Variants in ZFHX3 observed in about 807,000 individuals in gnomAD.
ZFHX3 encodes zinc finger homeobox protein 3.
A neutral mutation model predicts 279.1 loss-of-function variants in ZFHX3; 42 were observed. The observed-to-expected ratio is 0.15, with a 90% CI of 0.12 to 0.19. ZFHX3 has a LOEUF of 0.19. Among genes scored for constraint, ZFHX3 ranks in the 10% least tolerant of loss-of-function variants. The pLI, the probability that ZFHX3 is intolerant of heterozygous loss-of-function variation, is 1.00. For synonymous variants in ZFHX3, 2,293 were observed against 1,957.8 expected, an observed-to-expected ratio of 1.17 and a Z score of -4.52; for missense variants, 4,981 against 4,754.0, an observed-to-expected ratio of 1.05 and a Z score of -1.40.
chr16:73,160,874 T>G (rs1039797251), intron 5 of ZFHX3, among the ~76,000 whole-genome samples: 2 of 151,240 alleles, frequency 1.3e-5, no homozygotes, highest in Non-Finnish European at 2.9e-5. Context: ...GTAAAAATGG[T>G]CACACATTTT....
chr16:73,048,229 G>A (rs557898703), upstream of ZFHX3: 4 of 152,196 alleles, frequency 2.6e-5, no homozygotes, highest in South Asian at 6.2e-4. Flanking sequence ...CAAAGCGGAA[G>A]GTTAATTTGA....
intron 1 of ZFHX3, chr16:73,809,382 C>T (rs561943883): frequency 2.0e-5 from 3 of 152,324 alleles, no homozygotes; most frequent in South Asian, 2.1e-4. Flanking sequence ...GCCCCTTCCT[C>T]GGTAGGGAAA....
chr16:72,941,363 G>A (rs1001224252), intron 3 of ZFHX3, among the ~76,000 whole-genome samples: 4 of 152,158 alleles, frequency 2.6e-5, no homozygotes, highest in Non-Finnish European at 4.4e-5. Context: ...GGAAGAAAAC[G>A]GGTTTCACAA....
At chr16:73,754,989 G>T (rs1260251656) in intron 1 of ZFHX3, among the ~76,000 whole-genome samples, 1 of 152,048 alleles carries the variant, frequency 6.6e-6, no homozygotes. Context: ...ATACAATTTT[G>T]TTTAATCTTC....
intron 2 of ZFHX3, among the ~76,000 whole-genome samples, chr16:73,564,988 C>T (rs1003290269): frequency 6.6e-6 from 1 of 151,930 alleles, no homozygotes; most frequent in African/African-American, 2.4e-5. Context: ...CACGGTGGCT[C>T]ATGCCTGTAA....
chr16:73,240,799 G>C (rs2144943485), intron 5 of ZFHX3, among the ~76,000 whole-genome samples: 1 of 152,190 alleles, frequency 6.6e-6, no homozygotes, highest in South Asian at 2.1e-4. Flanking sequence ...TGAATAATGA[G>C]GTAATACATA....
intron 2 of ZFHX3, among the ~76,000 whole-genome samples, chr16:73,463,724 A>G (rs1006183478): frequency 5.9e-5 from 9 of 152,158 alleles, no homozygotes; most frequent in Non-Finnish European, 1.2e-4. Context: ...CCCTCATATC[A>G]TGAAGCACCA....
intron 2 of ZFHX3, among the ~76,000 whole-genome samples, chr16:73,659,506 G>A (rs917831512): frequency 2.0e-5 from 3 of 152,048 alleles, no homozygotes; most frequent in Non-Finnish European, 4.4e-5. Context: ...GTTACCCTCA[G>A]AGATTCCCAG....
chr16:73,166,457 G>A (rs571973655), intron 5 of ZFHX3, among the ~76,000 whole-genome samples: 1 of 152,216 alleles, frequency 6.6e-6, no homozygotes, highest in East Asian at 1.9e-4. Flanking sequence ...TAACATTTCT[G>A]GATGCTTTAA....
At chr16:73,515,166 AC>A (rs1458986562) in intron 2 of ZFHX3, among the ~76,000 whole-genome samples, 2 of 152,146 alleles carry the variant, frequency 1.3e-5, no homozygotes, top group African/African-American at 4.8e-5. Flanking sequence ...ACTTTCATTG[AC>A]CTAAATTGTA....
intron 5 of ZFHX3, among the ~76,000 whole-genome samples, chr16:73,188,866 CT>C (rs67553147): frequency 0.48 from 66,371 of 138,604 alleles, 15,258 homozygotes; most frequent in Middle Eastern, 0.58. Context: ...ATTTCTTTTT[CT>C]TTTTTTTTTT....
At chr16:73,531,116 A>C (rs1016514134) in intron 2 of ZFHX3, among the ~76,000 whole-genome samples, 1 of 152,188 alleles carries the variant, frequency 6.6e-6, no homozygotes, top group Non-Finnish European at 1.5e-5. Flanking sequence ...TTAGAGATTC[A>C]AGATGTCTTG....
intron 2 of ZFHX3, among the ~76,000 whole-genome samples, chr16:73,674,837 T>G (rs553586052): frequency 6.6e-6 from 1 of 152,190 alleles, no homozygotes; most frequent in South Asian, 2.1e-4. Flanking sequence ...ACAGCCCCAG[T>G]TGACTTCTCA....
chr16:73,591,685 T>G (rs2051999343), intron 2 of ZFHX3, among the ~76,000 whole-genome samples: 1 of 87,914 alleles, frequency 1.1e-5, no homozygotes, highest in Non-Finnish European at 2.0e-5. Context: ...AGAGCGAGAC[T>G]CTGTCTCAAA....
At position 73,844,280 on chromosome 16, in the gene ZFHX3, A is replaced by T. The variant is rs530537263; in HGVS notation, c.-1608+47371T>A. Among the ~76,000 whole-genome samples, 16 of 152,326 alleles carry T rather than the reference A, an allele frequency of 1.1e-4. No homozygotes were observed. In the South Asian group the frequency reaches 2.7e-3, roughly 26 times the overall value. ...TCCAGGTCCCAGATATGATGAAGTT[A>T]TATGACTGGGGGGGTTGAACAGGAC... On this transcript the variant is annotated intron_variant, in intron 1 of 17. Transcript: ENST00000641206.
intron 5 of ZFHX3, among the ~76,000 whole-genome samples, chr16:73,224,901 G>A (rs973701626): frequency 2.0e-5 from 3 of 152,072 alleles, no homozygotes; most frequent in Non-Finnish European, 4.4e-5. Context: ...CTGATTTAGA[G>A]ATACCTCTTA....
chr16:73,353,892 T>G (rs2016291366), intron 3 of ZFHX3, among the ~76,000 whole-genome samples: 1 of 152,198 alleles, frequency 6.6e-6, no homozygotes, highest in Admixed American at 6.5e-5. Context: ...CAGGTAACAT[T>G]TATGGAGAGC....
At chr16:73,285,907 A>C (rs56091557) in intron 4 of ZFHX3, among the ~76,000 whole-genome samples, 12,254 of 152,286 alleles carry the variant, frequency 0.08, 618 homozygotes, top group South Asian at 0.23. Flanking sequence ...CTGGCTGACT[A>C]GTGTCAAGCC....
chr16:73,369,154 T>G (rs1211085970), intron 3 of ZFHX3, among the ~76,000 whole-genome samples: 1 of 152,218 alleles, frequency 6.6e-6, no homozygotes, highest in Admixed American at 6.5e-5. Context: ...AAAATGCCAT[T>G]CTATCACGCT....
Sources: gnomAD v4.1 joint callset for allele counts (sites outside exome capture counted in the v4.1 genomes callset) on GRCh38, gnomAD v4.1.1 for gene constraint, MANE v1.5 for transcripts, NCBI Gene and HGNC (gene_info 2026-07-23, HGNC 2026-07-21) for gene names.